Variants in TUSC3 observed in about 807,000 individuals in gnomAD.
TUSC3 encodes tumor suppressor candidate 3.
In TUSC3, 45 loss-of-function variants were observed where a neutral mutation model predicts 44.8. The observed-to-expected ratio is 1.00, with a 90% CI of 0.79 to 1.29. The LOEUF (loss-of-function observed/expected upper bound fraction) is 1.29, where lower values mean the gene tolerates loss of function less well. Among genes scored for constraint, TUSC3 ranks in the 50% most tolerant of loss-of-function variants. TUSC3 has a pLI of 0.00. For synonymous variants in TUSC3, 212 were observed against 152.9 expected (o/e 1.39, Z -2.85); for missense variants, 519 against 437.9 (o/e 1.19, Z -1.65).
chr8:15,647,006 TGAA>T (rs1176413778), intron 2 of TUSC3, among the ~76,000 whole-genome samples: 2 of 152,138 alleles, frequency 1.3e-5, no homozygotes, highest in Non-Finnish European at 2.9e-5. Context: ...CATTGTGATA[TGAA>T]GATGAGCAGA....
At chr8:15,711,898 G>A (rs1816992564) in intron 6 of TUSC3, among the ~76,000 whole-genome samples, 1 of 151,650 alleles carries the variant, frequency 6.6e-6, no homozygotes, top group African/African-American at 2.4e-5. Flanking sequence ...TGATCGTCAC[G>A]TTTTTACTAT....
chr8:15,851,412 A>T, the TUSC3 span, among the ~76,000 whole-genome samples: 1 of 152,218 alleles, frequency 6.6e-6, no homozygotes, highest in Non-Finnish European at 1.5e-5. Flanking sequence ...ACAAATATTT[A>T]TTGAGCAACT....
chr8:15,762,582 T>C (rs1812205433), intron 10 of TUSC3, among the ~76,000 whole-genome samples: 1 of 152,124 alleles, frequency 6.6e-6, no homozygotes, highest in Non-Finnish European at 1.5e-5. Context: ...AAGATTACCT[T>C]TAGTGCTCCG....
upstream of TUSC3, among the ~76,000 whole-genome samples, chr8:15,538,296 TCA>T (rs1801556945): frequency 6.6e-6 from 1 of 152,240 alleles, no homozygotes; most frequent in Non-Finnish European, 1.5e-5. Flanking sequence ...CACTTCTGGT[TCA>T]GAGTGCTGCA....
At chr8:15,548,757 C>T (rs1020241792) in intron 1 of TUSC3, among the ~76,000 whole-genome samples, 3 of 151,838 alleles carry the variant, frequency 2.0e-5, no homozygotes, top group African/African-American at 7.2e-5. Flanking sequence ...GACTGTACAA[C>T]TTGTATGTTT....
chr8:15,675,507 G>C (rs189625646), intron 6 of TUSC3, among the ~76,000 whole-genome samples: 29 of 151,696 alleles, frequency 1.9e-4, no homozygotes, highest in Non-Finnish European at 3.4e-4. Flanking sequence ...AGTTACATTG[G>C]TACATTGCAT....
intron 1 of TUSC3, 48 bp downstream of exon 1, chr8:15,540,616 G>C (rs764807068): frequency 5.4e-6 from 8 of 1,492,768 alleles, no homozygotes; most frequent in Middle Eastern, 1.9e-4. Context: ...GGCGGGCCAG[G>C]GTGGGCCGCG....
chr8:15,445,779 A>T (rs964336390), intron 1 of TUSC3, among the ~76,000 whole-genome samples: 2 of 152,312 alleles, frequency 1.3e-5, no homozygotes, highest in Non-Finnish European at 2.9e-5. Flanking sequence ...CCCCTTTTCT[A>T]TTCGACAAAA....
intron 1 of TUSC3, among the ~76,000 whole-genome samples, chr8:15,423,525 T>A (rs538890274): frequency 6.6e-6 from 1 of 152,204 alleles, no homozygotes; most frequent in South Asian, 2.1e-4. Context: ...ATTTCCGTCT[T>A]CTGGATTTGG....
chr8:15,481,254 A>G (rs1254528156), intron 1 of TUSC3, among the ~76,000 whole-genome samples: 1 of 151,744 alleles, frequency 6.6e-6, no homozygotes, highest in East Asian at 1.9e-4. Flanking sequence ...TCTCAAAAAA[A>G]AAAAAAAAAA....
At chr8:15,422,579 T>C (rs1007579657) in intron 1 of TUSC3, among the ~76,000 whole-genome samples, 4 of 152,330 alleles carry the variant, frequency 2.6e-5, no homozygotes, top group Non-Finnish European at 5.9e-5. Context: ...AGATTTTAAC[T>C]GCCTTCACCA....
chr8:15,418,657 G>T (rs1311151927), intron 1 of TUSC3, among the ~76,000 whole-genome samples: 1 of 152,148 alleles, frequency 6.6e-6, no homozygotes. Context: ...AGTCAACAAG[G>T]TTAAGACGAA....
chr8:15,546,873 T>TTGCCTGCC (rs1045305027), intron 1 of TUSC3, among the ~76,000 whole-genome samples: 3 of 151,544 alleles, frequency 2.0e-5, no homozygotes, highest in African/African-American at 7.3e-5. Flanking sequence ...TGGTATCTGT[T>TTGCCTGCC]TGCCTGCCTG....
At chr8:15,621,256 T>C (rs1178641823) in intron 1 of TUSC3, among the ~76,000 whole-genome samples, 1 of 151,680 alleles carries the variant, frequency 6.6e-6, no homozygotes, top group Non-Finnish European at 1.5e-5. Flanking sequence ...TGTGTATTGG[T>C]AAATACTGGA....
chr8:15,618,224 C>G (rs752765969), intron 1 of TUSC3, among the ~76,000 whole-genome samples: 10 of 152,142 alleles, frequency 6.6e-5, no homozygotes, highest in Non-Finnish European at 1.3e-4. Context: ...ACACTGCACG[C>G]TTAGGCTTTA....
intron 1 of TUSC3, among the ~76,000 whole-genome samples, chr8:15,612,890 G>A (rs1057487173): frequency 4.0e-5 from 6 of 151,852 alleles, no homozygotes; most frequent in African/African-American, 7.3e-5. Context: ...TTCACTGATC[G>A]GACCAGTCTA....
intron 1 of TUSC3, among the ~76,000 whole-genome samples, chr8:15,468,866 C>G (rs375651773): frequency 1.5e-3 from 222 of 151,166 alleles, no homozygotes; most frequent in African/African-American, 5.2e-3. Context: ...AAATATTTTC[C>G]ATGAGACTCT....
At chr8:15,660,922 C>T (rs960883598) in intron 4 of TUSC3, among the ~76,000 whole-genome samples, 1 of 143,936 alleles carries the variant, frequency 6.9e-6, no homozygotes, top group Non-Finnish European at 1.5e-5. Flanking sequence ...AAAAAAAAAA[C>T]CCATAAAACT....
chr8:15,716,696 C>T (rs1033204181), intron 6 of TUSC3, among the ~76,000 whole-genome samples: 1 of 152,090 alleles, frequency 6.6e-6, no homozygotes, highest in East Asian at 1.9e-4. Context: ...ACTTCATTTA[C>T]AAAAAACTGC....
Sources: allele counts gnomAD v4.1 joint callset (sites outside exome capture counted in the v4.1 genomes callset), GRCh38; gene constraint gnomAD v4.1.1; transcripts MANE v1.5; gene names NCBI Gene and HGNC (gene_info 2026-07-23, HGNC 2026-07-21).